The following MDGA1 variants were observed in gnomAD, a reference collection of about 807,000 sequenced individuals.
MDGA1 encodes the protein MAM domain-containing glycosylphosphatidylinositol anchor protein 1.
Under a neutral mutation model 101.5 loss-of-function variants are expected in MDGA1, and 54 were observed. The observed-to-expected ratio is 0.53, with a 90% confidence interval of 0.43 to 0.67. The LOEUF (loss-of-function observed/expected upper bound fraction) is 0.67. Among genes scored for constraint, MDGA1 ranks in the 30% least tolerant of loss-of-function variants. MDGA1 has a pLI of 0.00. For synonymous variants in MDGA1, 533 were observed against 558.3 expected (o/e 0.95, Z 0.64); for missense variants, 1,083 against 1,323.8 (o/e 0.82, Z 2.82).
chr6:37,693,274 C>T (rs1762351765), intron 1 of MDGA1, among the ~76,000 whole-genome samples: 1 of 152,174 alleles, frequency 6.6e-6, no homozygotes, highest in South Asian at 2.1e-4. Flanking sequence ...CGGGAGATGA[C>T]ACTGGGACAC....
intron 1 of MDGA1, among the ~76,000 whole-genome samples, chr6:37,679,983 C>A (rs762195697): frequency 6.6e-6 from 1 of 152,142 alleles, no homozygotes; most frequent in Non-Finnish European, 1.5e-5. Flanking sequence ...GGTTATTCAT[C>A]GACTTCATTA....
At chr6:37,666,586 G>A (rs61036221) in intron 1 of MDGA1, among the ~76,000 whole-genome samples, 24,114 of 152,212 alleles carry the variant, frequency 0.16, 2,131 homozygotes, top group African/African-American at 0.22. Flanking sequence ...CAGCAGGCCT[G>A]TGTTTCTGTC....
intron 1 of MDGA1, among the ~76,000 whole-genome samples, chr6:37,684,125 G>A (rs1762150529): frequency 6.6e-6 from 1 of 152,198 alleles, no homozygotes. Context: ...AAGGCTTAGG[G>A]CTGCCAGGTA....
At chr6:37,647,110 A>G (rs1761221807) in intron 10 of MDGA1, 63 bp downstream of exon 10, 1 of 1,469,376 alleles carries the variant, frequency 6.8e-7, no homozygotes, top group South Asian at 1.2e-5. Flanking sequence ...CTTGATGAGC[A>G]TTTCCAGGGT....
At chr6:37,671,356 C>CAACA (rs1366419264) in intron 1 of MDGA1, among the ~76,000 whole-genome samples, 1 of 152,218 alleles carries the variant, frequency 6.6e-6, no homozygotes, top group African/African-American at 2.4e-5. Flanking sequence ...TCGCAGAGCA[C>CAACA]AACATCCTGA....
intron 2 of MDGA1, 117 bp from the exon 3 acceptor site, chr6:37,658,536 G>A: frequency 9.2e-7 from 1 of 1,091,626 alleles, no homozygotes; most frequent in Non-Finnish European, 1.3e-6. Context: ...AAGCGCACGT[G>A]GGGCACACGC....
At chr6:37,656,372 G>A (rs1306519170) in intron 3 of MDGA1, among the ~76,000 whole-genome samples, 8 of 144,510 alleles carry the variant, frequency 5.5e-5, no homozygotes, top group African/African-American at 7.8e-5. Flanking sequence ...CACTGCGCCC[G>A]GACTCTTTTT....
chr6:37,633,678 C>T lies in MDGA1; in HGVS notation c.*3690G>A, dbSNP rs114288602. On this transcript the variant is annotated 3_prime_UTR_variant, in exon 17 of 17. Transcript: ENST00000434837. ...AGGGTCTGCAGCCTGGGATGAGAGG[C>T]CAGAATTTGGAGCCGAGGGCAGGAT... 4.2e-3 allele frequency: 634 copies of T among 152,502 alleles called. 6 individuals are homozygous for T. Among genetic ancestry groups the T allele is most frequent in the African/African-American group, 0.015 (605 of 41,566 alleles). The allele number at this position is 152,502 out of a possible 1,614,324, so 9.4% of individuals were successfully genotyped here.
At chr6:37,677,790 G>T (rs1166094900) in intron 1 of MDGA1, among the ~76,000 whole-genome samples, 1 of 152,196 alleles carries the variant, frequency 6.6e-6, no homozygotes, top group Non-Finnish European at 1.5e-5. Flanking sequence ...GCACAGAAAG[G>T]GAGGGAAGGA....
At chr6:37,642,040 T>G (rs1764095912) in intron 14 of MDGA1, 1 of 152,038 alleles carries the variant, frequency 6.6e-6, no homozygotes, top group Admixed American at 6.6e-5. Context: ...GTGAAGATGC[T>G]TTCTGTGGAC....
intron 9 of MDGA1, among the ~76,000 whole-genome samples, chr6:37,647,669 G>A (rs1019180880): frequency 6.6e-6 from 1 of 151,592 alleles, no homozygotes; most frequent in Non-Finnish European, 1.5e-5. Context: ...AAGAGATTGG[G>A]GGAAAGACAC....
chr6:37,673,922 A>G (rs1429745785), intron 1 of MDGA1, among the ~76,000 whole-genome samples: 1 of 151,344 alleles, frequency 6.6e-6, no homozygotes, highest in Non-Finnish European at 1.5e-5. Context: ...TTTCCTTCCC[A>G]TCCTCCCTCT....
At chr6:37,651,273 C>T (rs138560096) in intron 7 of MDGA1, among the ~76,000 whole-genome samples, 26 of 152,318 alleles carry the variant, frequency 1.7e-4, no homozygotes, top group African/African-American at 6.0e-4. Context: ...TAATTCAACC[C>T]AACACATTGC....
At chr6:37,653,583 C>A (rs1310845130) in intron 6 of MDGA1, among the ~76,000 whole-genome samples, 2 of 151,996 alleles carry the variant, frequency 1.3e-5, no homozygotes, top group Admixed American at 6.6e-5. Flanking sequence ...TCTCAGGTAG[C>A]CAAAATATAT....
chr6:37,642,499 T>A (rs1255190683), intron 14 of MDGA1, among the ~76,000 whole-genome samples: 1 of 152,142 alleles, frequency 6.6e-6, no homozygotes, highest in Non-Finnish European at 1.5e-5. Flanking sequence ...TTGGATAAAG[T>A]ATCTCTGAAA....
chr6:37,655,168 G>A lies in MDGA1; in HGVS notation c.580-236C>T. On this transcript the variant is annotated intron_variant, in intron 4 of 16. Coordinates refer to ENST00000434837, the MANE Select transcript of MDGA1 (RefSeq NM_153487.4). The surrounding 1 kb of genome is among the most constrained non-coding windows in gnomAD (Gnocchi z 5.1). ...ATTCTCTGGGTCTGAGGTTGCCCTTGTGCACACTGGCAAGTACCAGGCCTT... is the reference window on the plus strand; with the variant it reads ...ATTCTCTGGGTCTGAGGTTGCCCTTATGCACACTGGCAAGTACCAGGCCTT... 3.5e-6 allele frequency: 2 copies of A among 573,068 alleles called. No individual in the cohort carries two copies. Among genetic ancestry groups the A allele is most frequent in the Non-Finnish European group, 6.2e-6 (2 of 324,608 alleles). The allele number at this position is 573,068 out of a possible 1,614,324, so 35.5% of individuals were successfully genotyped here.
intron 3 of MDGA1, among the ~76,000 whole-genome samples, chr6:37,657,172 A>T (rs1197963182): frequency 6.6e-6 from 1 of 152,152 alleles, no homozygotes; most frequent in Non-Finnish European, 1.5e-5. Flanking sequence ...AAAAATAATT[A>T]AAAAGCTTAA....
chr6:37,651,959 G>A (rs1389751234), intron 7 of MDGA1, 52 bp downstream of exon 7: 1 of 1,434,808 alleles, frequency 7.0e-7, no homozygotes, highest in Middle Eastern at 1.9e-4. Context: ...CCTCCTGTCT[G>A]TGGGCCTCTC....
At chr6:37,658,200 G>C in intron 3 of MDGA1, 45 bp downstream of exon 3, 1 of 1,508,368 alleles carries the variant, frequency 6.6e-7, no homozygotes, top group Non-Finnish European at 8.9e-7. Context: ...CCTCTGGCCC[G>C]GGCTGGGCTG....
Sources: gnomAD v4.1 joint callset for allele counts (sites outside exome capture counted in the v4.1 genomes callset) on GRCh38, gnomAD v4.1.1 for gene constraint, Gnocchi (gnomAD v3.1) non-coding constraint, MANE v1.5 for transcripts, NCBI Gene and HGNC (gene_info 2026-07-23, HGNC 2026-07-21) for gene names.